Variants in HS3ST4 observed in about 807,000 individuals in gnomAD.
The protein encoded by HS3ST4 is heparan sulfate glucosamine 3-O-sulfotransferase 4.
In HS3ST4, 17 loss-of-function variants were observed where a neutral mutation model predicts 29.2. That is an observed-to-expected ratio of 0.58 (90% confidence interval 0.40 to 0.87). The LOEUF (loss-of-function observed/expected upper bound fraction) is 0.87, where lower values mean the gene tolerates loss of function less well. Ranked by LOEUF, HS3ST4 falls within the 40% of genes least tolerant of loss-of-function variation. HS3ST4 has a pLI of 0.00. For synonymous variants in HS3ST4, 314 were observed against 285.7 expected, an observed-to-expected ratio of 1.10 and a Z score of -1.00; for missense variants, 627 against 634.5, an observed-to-expected ratio of 0.99 and a Z score of 0.13.
chr16:26,023,764 G>A (rs1342639659), intron 1 of HS3ST4, among the ~76,000 whole-genome samples: 2 of 152,068 alleles, frequency 1.3e-5, no homozygotes, highest in East Asian at 3.9e-4. Flanking sequence ...TGATTTTCTG[G>A]TTGATATAGC....
At chr16:25,782,758 C>T (rs1966853807) in intron 1 of HS3ST4, among the ~76,000 whole-genome samples, 2 of 152,252 alleles carry the variant, frequency 1.3e-5, no homozygotes, top group East Asian at 3.9e-4. Flanking sequence ...TTCCTAACCT[C>T]TTTTAAAATT....
chr16:25,745,003 G>A (rs887708577), intron 1 of HS3ST4, among the ~76,000 whole-genome samples: 1 of 149,924 alleles, frequency 6.7e-6, no homozygotes, highest in African/African-American at 2.5e-5. Context: ...TCCTAAATGG[G>A]AGGAATAGAG....
In HS3ST4 at chr16:25,692,717, G is replaced by A. The variant is rs1271964888; in HGVS notation, c.300G>A (p.Pro100=). The part of the protein sequence containing the change: ...RLGAPSQPPA[P]PPLDNASHGE... ...GCGCCCCCTCGCAGCCGCCCGCGCC[G>A]CCGCCGCTGGACAACGCGAGCCACG... Residue 100 remains proline (P), a synonymous_variant, in exon 1 of 2, where the codon CCG becomes CCA. Coordinates refer to ENST00000331351, the MANE Select transcript of HS3ST4 (RefSeq NM_006040.3). 2.4e-6 allele frequency: 3 copies of A among 1,236,890 alleles called. No homozygotes were observed. Among genetic ancestry groups the A allele is most frequent in the South Asian group, 3.4e-5 (1 of 29,094 alleles). The allele number at this position is 1,236,890 out of a possible 1,614,324, so 76.6% of individuals were successfully genotyped here.
intron 1 of HS3ST4, among the ~76,000 whole-genome samples, chr16:25,769,642 C>A (rs1054278017): frequency 6.6e-6 from 1 of 152,156 alleles, no homozygotes; most frequent in African/African-American, 2.4e-5. Flanking sequence ...GAAAAGGAAG[C>A]CTTGACTTTC....
At chr16:26,132,474 C>T (rs1277101031) in intron 1 of HS3ST4, among the ~76,000 whole-genome samples, 1 of 148,654 alleles carries the variant, frequency 6.7e-6, no homozygotes, top group Non-Finnish European at 1.5e-5. Context: ...GTCTCCAAAG[C>T]CTTCTGCAAT....
At chr16:25,758,880 C>T (rs779193671) in intron 1 of HS3ST4, among the ~76,000 whole-genome samples, 15 of 151,594 alleles carry the variant, frequency 9.9e-5, no homozygotes, top group East Asian at 1.9e-4. Flanking sequence ...CACTTGAACA[C>T]GGGAGGCGGA....
chr16:25,830,159 A>G (rs1967278864), intron 1 of HS3ST4, among the ~76,000 whole-genome samples: 3 of 152,196 alleles, frequency 2.0e-5, no homozygotes, highest in African/African-American at 7.2e-5. Flanking sequence ...CACATGGAAA[A>G]AAGCCTTAGT....
At chr16:25,965,232 A>G (rs1968831548) in intron 1 of HS3ST4, among the ~76,000 whole-genome samples, 1 of 152,130 alleles carries the variant, frequency 6.6e-6, no homozygotes, top group Non-Finnish European at 1.5e-5. Context: ...CATTGGCCTC[A>G]GCATTCGGGA....
At chr16:25,954,402 G>A (rs543068424) in intron 1 of HS3ST4, among the ~76,000 whole-genome samples, 14 of 152,070 alleles carry the variant, frequency 9.2e-5, no homozygotes, top group South Asian at 6.2e-4. Context: ...GAGACAGAAC[G>A]GTTTCTAGCT....
chr16:25,975,449 A>G (rs1968935278), intron 1 of HS3ST4, among the ~76,000 whole-genome samples: 1 of 152,200 alleles, frequency 6.6e-6, no homozygotes, highest in Non-Finnish European at 1.5e-5. Flanking sequence ...AGAGCAAAAG[A>G]AAATAAGTGT....
At chr16:25,888,684 G>T (rs1596603618) in intron 1 of HS3ST4, among the ~76,000 whole-genome samples, 1 of 152,160 alleles carries the variant, frequency 6.6e-6, no homozygotes. Flanking sequence ...TGCAGACAAA[G>T]TAGTAGAAGA....
intron 1 of HS3ST4, 108 bp downstream of exon 1, chr16:25,693,259 C>T: frequency 5.6e-6 from 7 of 1,240,400 alleles, no homozygotes; most frequent in Non-Finnish European, 7.6e-6. Flanking sequence ...CCGAGAGGCC[C>T]AAGCCCCCGC....
At chr16:25,807,067 G>A (rs538811309) in intron 1 of HS3ST4, among the ~76,000 whole-genome samples, 1 of 152,234 alleles carries the variant, frequency 6.6e-6, no homozygotes, top group African/African-American at 2.4e-5. Context: ...CGACTTCCCA[G>A]GTACAAGCAA....
intron 1 of HS3ST4, among the ~76,000 whole-genome samples, chr16:25,976,802 A>G (rs1272641664): frequency 6.6e-6 from 1 of 152,220 alleles, no homozygotes; most frequent in Non-Finnish European, 1.5e-5. Context: ...ACGGCTACAC[A>G]GCTACCATTC....
intron 1 of HS3ST4, among the ~76,000 whole-genome samples, chr16:26,075,175 G>T (rs1898647141): frequency 6.6e-6 from 1 of 152,144 alleles, no homozygotes; most frequent in Non-Finnish European, 1.5e-5. Flanking sequence ...CCCGGCAACA[G>T]AGTGAGACTC....
At chr16:25,862,332 A>G (rs1211450422) in intron 1 of HS3ST4, among the ~76,000 whole-genome samples, 2 of 152,120 alleles carry the variant, frequency 1.3e-5, no homozygotes, top group Non-Finnish European at 2.9e-5. Context: ...AACTGGGATT[A>G]CAGGCACATG....
intron 1 of HS3ST4, among the ~76,000 whole-genome samples, chr16:25,888,362 C>T (rs1424829452): frequency 2.0e-5 from 3 of 152,202 alleles, no homozygotes; most frequent in Non-Finnish European, 4.4e-5. Context: ...ACCTTTCTCC[C>T]TCTCTTTATC....
intron 1 of HS3ST4, among the ~76,000 whole-genome samples, chr16:25,833,856 A>G (rs1967331056): frequency 6.6e-6 from 1 of 152,218 alleles, no homozygotes; most frequent in Non-Finnish European, 1.5e-5. Flanking sequence ...TTCTTGCCTC[A>G]GAGACCTGAA....
chr16:25,849,487 G>A (rs1967497231), intron 1 of HS3ST4, among the ~76,000 whole-genome samples: 1 of 151,822 alleles, frequency 6.6e-6, no homozygotes, highest in Non-Finnish European at 1.5e-5. Flanking sequence ...ACTTTCTTTA[G>A]CGCTTCTTTT....
Sources: gnomAD v4.1 joint callset for allele counts (sites outside exome capture counted in the v4.1 genomes callset) on GRCh38, gnomAD v4.1.1 for gene constraint, MANE v1.5 for transcripts, NCBI Gene and HGNC (gene_info 2026-07-23, HGNC 2026-07-21) for gene names.